SPOCK1: variants seen among roughly 807,000 people sequenced by gnomAD.
SPOCK1 encodes SPARC (osteonectin), cwcv and kazal like domains proteoglycan 1.
In SPOCK1, 23 loss-of-function variants were observed where a neutral mutation model predicts 55.3. The ratio of observed to expected loss-of-function variants is 0.42; its 90% CI spans 0.30 to 0.59. The LOEUF (loss-of-function observed/expected upper bound fraction) is 0.59. Ranked by LOEUF, SPOCK1 falls within the 20% of genes least tolerant of loss-of-function variation. The probability of loss-of-function intolerance (pLI) is 0.22; values close to 1 mark genes in which losing one functional copy is unlikely to be tolerated. For synonymous variants in SPOCK1, 226 were observed against 221.0 expected, an observed-to-expected ratio of 1.02 and a Z score of -0.20; for missense variants, 499 against 552.5, an observed-to-expected ratio of 0.90 and a Z score of 0.97.
intron 4 of SPOCK1, among the ~76,000 whole-genome samples, chr5:137,115,163 T>C (rs1404370555): frequency 2.0e-5 from 3 of 152,120 alleles, no homozygotes; most frequent in Non-Finnish European, 4.4e-5. Flanking sequence ...GCTAAAGATA[T>C]CCCTGTAGGG....
chr5:137,003,799 CA>C (rs1334252944), intron 6 of SPOCK1, among the ~76,000 whole-genome samples: 1 of 152,128 alleles, frequency 6.6e-6, no homozygotes, highest in Non-Finnish European at 1.5e-5. Flanking sequence ...CAGAAAGCCA[CA>C]AAGAATTGGT....
intron 2 of SPOCK1, among the ~76,000 whole-genome samples, chr5:137,356,832 TATATATAG>T (rs1219148031): frequency 3.9e-4 from 4 of 10,188 alleles, no homozygotes; most frequent in African/African-American, 1.2e-3. Flanking sequence ...TATATATATA[TATATATAG>T]AGAGAGAGAG....
chr5:137,119,273 T>G (rs2905966), intron 4 of SPOCK1, among the ~76,000 whole-genome samples: 115,013 of 152,214 alleles, frequency 0.76, 43,777 homozygotes, highest in African/African-American at 0.83. Context: ...GTTTGCCAAA[T>G]CAAAACTAAT....
At chr5:137,073,765 A>T (rs1053297676) in intron 5 of SPOCK1, among the ~76,000 whole-genome samples, 1 of 152,240 alleles carries the variant, frequency 6.6e-6, no homozygotes, top group Non-Finnish European at 1.5e-5. Context: ...CATGTAATTA[A>T]TTGAGTCAGA....
In SPOCK1 at chr5:137,125,085, A is replaced by T. The variant is rs576795323; in HGVS notation, c.348-12524T>A. On this transcript the variant is annotated intron_variant, in intron 4 of 10. Coordinates refer to ENST00000394945, the MANE Select transcript of SPOCK1 (RefSeq NM_004598.4). ...TCACTTCCCTCATGGTATTAATAGCACTAACTCTTACTGTAAGCATCACTT... is the reference window on the plus strand; with the variant it reads ...TCACTTCCCTCATGGTATTAATAGCTCTAACTCTTACTGTAAGCATCACTT... 4.6e-5 allele frequency among the ~76,000 whole-genome samples: 7 copies of T among 152,338 alleles called. No individual in the cohort carries two copies. The South Asian group carries it at 1.2e-3, about 27-fold the overall frequency.
intron 3 of SPOCK1, among the ~76,000 whole-genome samples, chr5:137,177,499 A>C (rs568599317): frequency 7.9e-5 from 12 of 152,236 alleles, no homozygotes; most frequent in African/African-American, 2.9e-4. Context: ...AAGTACAAAA[A>C]AGAAGAGGTG....
intron 4 of SPOCK1, among the ~76,000 whole-genome samples, chr5:137,128,222 G>A (rs1215182647): frequency 6.6e-6 from 1 of 152,200 alleles, no homozygotes; most frequent in East Asian, 1.9e-4. Flanking sequence ...CACAGAATCT[G>A]CCAGTACCCT....
chr5:137,205,225 C>T (rs886803288), intron 3 of SPOCK1, among the ~76,000 whole-genome samples: 3 of 152,082 alleles, frequency 2.0e-5, no homozygotes, highest in Admixed American at 1.3e-4. Flanking sequence ...ATTATTCAAG[C>T]GCTGTCAAGG....
chr5:137,138,327 C>T (rs972365861), intron 4 of SPOCK1, among the ~76,000 whole-genome samples: 1 of 151,956 alleles, frequency 6.6e-6, no homozygotes, highest in Non-Finnish European at 1.5e-5. Context: ...CACGGCATGC[C>T]CAGAAAAACA....
intron 3 of SPOCK1, among the ~76,000 whole-genome samples, chr5:137,256,018 T>C (rs1580832272): frequency 6.6e-6 from 1 of 152,188 alleles, no homozygotes; most frequent in Admixed American, 6.5e-5. Context: ...CCAGTGCCCA[T>C]GGAATTACCC....
Position 136,988,415 on chromosome 5 carries a change from A to C in SPOCK1, c.928+7T>G. 1 of 1,612,268 alleles carries C rather than the reference A, an allele frequency of 6.2e-7. No individual in the cohort carries two copies. Among genetic ancestry groups the C allele is most frequent in the Non-Finnish European group, 8.5e-7 (1 of 1,178,544 alleles). On this transcript the variant is annotated splice_region_variant and intron_variant, in intron 8 of 10. Transcript: ENST00000394945. ...GCTAGGGACCCCAACCCTCCATCCC[A>C]CCTTACCTCCAGGCTTCTGGAAGCA...
rs142462352 is a variant in SPOCK1 at position 137,211,037 on chromosome 5, A to G, written c.232+55973T>C. Among the ~76,000 whole-genome samples the G allele has an allele frequency of 9.4e-3, 1,426 of 152,340 alleles. 18 individuals are homozygous for G. The highest frequency in any genetic ancestry group is 0.032 in the African/African-American group (1,322 of 41,570). On this transcript the variant is annotated intron_variant, in intron 3 of 10. Transcript: ENST00000394945. ...CAGCAGAGAGACAAGCTGGGGTCATAACTCAGCCCTTCGTATACCTGATGC... is the reference window on the plus strand; with the variant it reads ...CAGCAGAGAGACAAGCTGGGGTCATGACTCAGCCCTTCGTATACCTGATGC...
chr5:137,443,376 CT>C lies in SPOCK1; in HGVS notation c.186+54996del, dbSNP rs570953255. On this transcript the variant is annotated intron_variant, in intron 2 of 10. Coordinates refer to ENST00000394945, the MANE Select transcript of SPOCK1 (RefSeq NM_004598.4). ...TTTGTGTGCACTCATTTCTCCTTGC[CT>C]TTTCCTTAAACACTTGTATCCCTAA... Among the ~76,000 whole-genome samples, 45 of 152,230 alleles carry C rather than the reference CT, an allele frequency of 3.0e-4. 1 individual carries two copies. Among genetic ancestry groups the C allele is most frequent in the African/African-American group, 1.1e-3 (44 of 41,532 alleles).
intron 3 of SPOCK1, among the ~76,000 whole-genome samples, chr5:137,224,386 T>C (rs1367030386): frequency 6.6e-6 from 1 of 152,224 alleles, no homozygotes; most frequent in East Asian, 1.9e-4. Context: ...CATTTATTCC[T>C]TGGAGTAAGT....
chr5:137,296,035 A>G (rs1006976734), intron 2 of SPOCK1, among the ~76,000 whole-genome samples: 1 of 152,182 alleles, frequency 6.6e-6, no homozygotes, highest in Non-Finnish European at 1.5e-5. Flanking sequence ...CACAGCCCTC[A>G]TGAATGGGAT....
At chr5:137,278,466 C>A (rs764673270) in intron 2 of SPOCK1, among the ~76,000 whole-genome samples, 2 of 152,206 alleles carry the variant, frequency 1.3e-5, no homozygotes, top group Non-Finnish European at 1.5e-5. Context: ...CAATCACCAA[C>A]AAGGCTTCCA....
chr5:137,471,459 G>C (rs1264807368), intron 2 of SPOCK1, among the ~76,000 whole-genome samples: 1 of 152,248 alleles, frequency 6.6e-6, no homozygotes, highest in African/African-American at 2.4e-5. Flanking sequence ...AGGTTAAATG[G>C]AATACAAGTA....
At chr5:137,281,831 G>A (rs891953508) in intron 2 of SPOCK1, among the ~76,000 whole-genome samples, 10 of 152,110 alleles carry the variant, frequency 6.6e-5, no homozygotes, top group African/African-American at 2.2e-4. Context: ...TCACAGCCTC[G>A]GATGTCCGTT....
At chr5:137,152,378 A>G (rs1490950932) in intron 3 of SPOCK1, among the ~76,000 whole-genome samples, 2 of 152,244 alleles carry the variant, frequency 1.3e-5, no homozygotes, top group African/African-American at 4.8e-5. Flanking sequence ...ATTAGCTAAG[A>G]TAAGGGCTAT....
Sources: gnomAD v4.1 joint callset for allele counts (sites outside exome capture counted in the v4.1 genomes callset) on GRCh38, gnomAD v4.1.1 for gene constraint, MANE v1.5 for transcripts, NCBI Gene and HGNC (gene_info 2026-07-23, HGNC 2026-07-21) for gene names.